PTPRD: variants seen among roughly 807,000 people sequenced by gnomAD.
The protein encoded by PTPRD is protein tyrosine phosphatase receptor type D, also known as receptor-type tyrosine-protein phosphatase delta.
In PTPRD, 34 loss-of-function variants were observed where a neutral mutation model predicts 214.5. The ratio of observed to expected loss-of-function variants is 0.16; its 90% CI spans 0.12 to 0.21. The LOEUF is 0.21. PTPRD is among the 10% of genes least tolerant of loss of function. The pLI is 1.00. For missense variants in PTPRD, 2,545 were observed against 2,398.7 expected (o/e 1.06, Z -1.27); for synonymous variants, 1,128 against 845.7 (o/e 1.33, Z -5.79).
At chr9:8,506,625 G>C (rs1171437820) in intron 22 of PTPRD, among the ~76,000 whole-genome samples, 2 of 152,080 alleles carry the variant, frequency 1.3e-5, no homozygotes, top group African/African-American at 4.8e-5. Flanking sequence ...AATAAGAAAG[G>C]CTAGCTCCAG....
At chr9:8,619,736 A>G (rs749244750) in intron 14 of PTPRD, among the ~76,000 whole-genome samples, 1 of 151,460 alleles carries the variant, frequency 6.6e-6, no homozygotes, top group Non-Finnish European at 1.5e-5. Flanking sequence ...CCAACTCAGC[A>G]GCCCCTCTTG....
intron 11 of PTPRD, among the ~76,000 whole-genome samples, chr9:8,775,920 T>C (rs374665069): frequency 1.3e-5 from 2 of 152,222 alleles, no homozygotes; most frequent in East Asian, 3.9e-4. Flanking sequence ...CATGAACAGC[T>C]TGATGTTTCA....
chr9:9,928,556 C>T (rs1289432258), intron 5 of PTPRD, among the ~76,000 whole-genome samples: 1 of 152,042 alleles, frequency 6.6e-6, no homozygotes, highest in Non-Finnish European at 1.5e-5. Flanking sequence ...GGAACAACAA[C>T]AAAGACAGAC....
chr9:10,103,910 G>A (rs1021545383), intron 3 of PTPRD, among the ~76,000 whole-genome samples: 19 of 151,666 alleles, frequency 1.3e-4, no homozygotes, highest in African/African-American at 4.4e-4. Flanking sequence ...CAACCCAAGT[G>A]TCTATCGATG....
At chr9:10,277,221 T>TAAACATAAACATA (rs1595944278) in intron 3 of PTPRD, among the ~76,000 whole-genome samples, 1 of 145,222 alleles carries the variant, frequency 6.9e-6, no homozygotes, top group South Asian at 2.1e-4. Context: ...ACATACAACA[T>TAAACATAAACATA]AAACATAAAC....
intron 11 of PTPRD, among the ~76,000 whole-genome samples, chr9:8,778,276 C>T (rs2095560470): frequency 6.6e-6 from 1 of 152,100 alleles, no homozygotes; most frequent in Non-Finnish European, 1.5e-5. Flanking sequence ...AAGATTATTC[C>T]CTTCTTAAAA....
intron 3 of PTPRD, among the ~76,000 whole-genome samples, chr9:10,166,721 A>G (rs1410431537): frequency 1.3e-5 from 2 of 152,074 alleles, no homozygotes; most frequent in Non-Finnish European, 2.9e-5. Context: ...ATAATAACAC[A>G]TTTTCAAGAA....
At chr9:8,551,163 T>C (rs2140766782) in intron 14 of PTPRD, among the ~76,000 whole-genome samples, 1 of 152,350 alleles carries the variant, frequency 6.6e-6, no homozygotes, top group East Asian at 1.9e-4. Flanking sequence ...GGTACATTTC[T>C]AATAACTGGT....
intron 11 of PTPRD, among the ~76,000 whole-genome samples, chr9:8,744,694 A>G (rs936200426): frequency 1.3e-5 from 2 of 152,254 alleles, no homozygotes; most frequent in African/African-American, 4.8e-5. Context: ...CATTGGGTGC[A>G]GTGTACACTG....
chr9:9,270,957 A>T (rs1168306961), intron 9 of PTPRD, among the ~76,000 whole-genome samples: 1 of 151,308 alleles, frequency 6.6e-6, no homozygotes, highest in Admixed American at 6.6e-5. Flanking sequence ...CACTGGATTA[A>T]CTTATTAATA....
At chr9:9,389,887 T>C (rs2065193411) in intron 9 of PTPRD, among the ~76,000 whole-genome samples, 1 of 152,206 alleles carries the variant, frequency 6.6e-6, no homozygotes, top group Non-Finnish European at 1.5e-5. Flanking sequence ...CTTCCCTAGT[T>C]TCTATAGATT....
At chr9:8,832,690 G>A (rs571430053) in intron 11 of PTPRD, among the ~76,000 whole-genome samples, 1 of 151,898 alleles carries the variant, frequency 6.6e-6, no homozygotes, top group Non-Finnish European at 1.5e-5. Context: ...TTCACAAAGA[G>A]GATTATTTTA....
At chr9:10,174,864 C>G (rs2099237137) in intron 3 of PTPRD, among the ~76,000 whole-genome samples, 1 of 152,044 alleles carries the variant, frequency 6.6e-6, no homozygotes, top group South Asian at 2.1e-4. Context: ...TCTTTTGTTT[C>G]AGGAATTGGA....
intron 7 of PTPRD, among the ~76,000 whole-genome samples, chr9:9,716,799 T>C (rs1379107619): frequency 1.3e-5 from 2 of 151,898 alleles, no homozygotes; most frequent in African/African-American, 2.4e-5. Context: ...ATTTTGTAGG[T>C]TGCCTGTTCA....
At chr9:8,930,019 G>C (rs956232632) in intron 11 of PTPRD, among the ~76,000 whole-genome samples, 9 of 151,372 alleles carry the variant, frequency 5.9e-5, no homozygotes, top group Non-Finnish European at 1.2e-4. Context: ...GTGCAGGTTT[G>C]TTACATATGT....
chr9:9,450,141 T>C (rs1473329916), intron 8 of PTPRD, among the ~76,000 whole-genome samples: 2 of 149,630 alleles, frequency 1.3e-5, no homozygotes, highest in Non-Finnish European at 3.0e-5. Flanking sequence ...TGTGTGTGTG[T>C]ATTACAGTTT....
intron 5 of PTPRD, among the ~76,000 whole-genome samples, chr9:9,907,219 A>C (rs965702169): frequency 2.0e-5 from 3 of 151,910 alleles, no homozygotes; most frequent in Non-Finnish European, 4.4e-5. Flanking sequence ...CAATTGTCAT[A>C]TACATGATGA....
chr9:9,230,047 A>G (rs1455872148), intron 9 of PTPRD, among the ~76,000 whole-genome samples: 3 of 152,136 alleles, frequency 2.0e-5, no homozygotes, highest in African/African-American at 7.2e-5. Context: ...TTCATGTTAA[A>G]TTAACTCAAT....
chr9:8,602,780 GT>G (rs1405264219), intron 14 of PTPRD, among the ~76,000 whole-genome samples: 1 of 152,166 alleles, frequency 6.6e-6, no homozygotes, highest in Non-Finnish European at 1.5e-5. Context: ...ATGGATGCAT[GT>G]GCATATATAT....
Sources: gnomAD v4.1 joint callset for allele counts (sites outside exome capture counted in the v4.1 genomes callset) on GRCh38, gnomAD v4.1.1 for gene constraint, MANE v1.5 for transcripts, NCBI Gene and HGNC (gene_info 2026-07-23, HGNC 2026-07-21) for gene names.